AMPH: variants seen among roughly 807,000 people sequenced by gnomAD.
The protein encoded by AMPH is amphiphysin.
A neutral mutation model predicts 99.1 loss-of-function variants in AMPH; 49 were observed. The ratio of observed to expected loss-of-function variants is 0.49; its 90% CI spans 0.39 to 0.63. The LOEUF is 0.63. AMPH is among the 20% of genes least tolerant of loss of function. The pLI, the probability that AMPH is intolerant of heterozygous loss-of-function variation, is 0.00. For missense variants in AMPH, 759 were observed against 863.4 expected (o/e 0.88, Z 1.52); for synonymous variants, 314 against 317.3 (o/e 0.99, Z 0.11).
At chr7:38,497,052 G>C (rs1039350928) in intron 3 of AMPH, among the ~76,000 whole-genome samples, 1 of 152,178 alleles carries the variant, frequency 6.6e-6, no homozygotes, top group Non-Finnish European at 1.5e-5. Flanking sequence ...GGGTGGATAA[G>C]TGGTGATGGA....
intron 1 of AMPH, among the ~76,000 whole-genome samples, chr7:38,572,911 G>C (rs776461312): frequency 6.6e-6 from 1 of 152,140 alleles, no homozygotes; most frequent in Non-Finnish European, 1.5e-5. Context: ...GCCCAGGACC[G>C]TGGCCTCCAA....
At chr7:38,584,127 TTTCAA>T (rs2129056097) in intron 1 of AMPH, among the ~76,000 whole-genome samples, 1 of 152,352 alleles carries the variant, frequency 6.6e-6, no homozygotes, top group South Asian at 2.1e-4. Context: ...ATTTGACTTG[TTTCAA>T]TTCATTTTAG....
intron 14 of AMPH, chr7:38,427,845 T>C (rs1272828992): frequency 2.2e-6 from 1 of 456,016 alleles, no homozygotes; most frequent in South Asian, 1.6e-5. Flanking sequence ...TACCTCGTCT[T>C]TGTCAGCCTC....
chr7:38,610,272 G>A (rs889038506), intron 1 of AMPH, among the ~76,000 whole-genome samples: 193 of 7,766 alleles, frequency 0.025, no homozygotes, highest in Middle Eastern at 0.062. Context: ...AAGAAAGAAA[G>A]AAAGAAAGAA....
chr7:38,503,671 C>A lies in AMPH; in HGVS notation c.184G>T (p.Gly62Ter). Residue 62 changes from glycine to a stop codon, truncating the protein, a stop_gained, in exon 3 of 21, where the codon GGA (glycine) becomes TGA (stop). Transcript: ENST00000356264. LOFTEE classifies it high-confidence loss of function. ...EGTRLQRELR[G>*]YLAAIKGMQE... is the part of the protein sequence containing the mutation. ...TTACCTTTGATTGCTGCTAAATATC[C>A]TCGGAGTTCTCGCTGAAGTCTGGTA... 1 of 1,614,024 alleles carries A rather than the reference C, an allele frequency of 6.2e-7. No homozygotes were observed. The highest frequency in any genetic ancestry group is 8.5e-7 in the Non-Finnish European group (1 of 1,179,968).
At chr7:38,576,734 A>G (rs1230554198) in intron 1 of AMPH, among the ~76,000 whole-genome samples, 6 of 152,170 alleles carry the variant, frequency 3.9e-5, no homozygotes, top group Non-Finnish European at 2.9e-5. Flanking sequence ...CATGCCTGAG[A>G]GATCTCACTT....
Position 38,463,000 on chromosome 7 carries a change from G to C in AMPH, c.863C>G (p.Pro288Arg), listed in dbSNP as rs746190586. ...NHTLAPASPA[P>R]ARPRSPSQTR... ...CTGTGAAGGTGACCGAGGCCGTGCT[G>C]GTGCGGGAGACGCAGGTGCTAATGT... Residue 288 changes from proline to arginine, a missense_variant, in exon 10 of 21, where the codon CCA (proline) becomes CGA (arginine). Physicochemically the swap from Pro to Arg is moderately radical, Grantham distance 103 (BLOSUM62 -2). Transcript: ENST00000356264. 1.9e-6 allele frequency: 3 copies of C among 1,594,896 alleles called. No individual in the cohort carries two copies. The African/African-American group carries it at 4.0e-5, about 21-fold the overall frequency.
At chr7:38,621,998 G>T (rs1794086265) in intron 1 of AMPH, among the ~76,000 whole-genome samples, 1 of 152,130 alleles carries the variant, frequency 6.6e-6, no homozygotes, top group South Asian at 2.1e-4. Context: ...AGAAAATCGT[G>T]ATTATTATCA....
At chr7:38,625,741 A>G (rs1794218330) in intron 1 of AMPH, among the ~76,000 whole-genome samples, 1 of 152,248 alleles carries the variant, frequency 6.6e-6, no homozygotes, top group Admixed American at 6.5e-5. Context: ...GAGTAAAGTA[A>G]TTTAAAAGGT....
intron 5 of AMPH, among the ~76,000 whole-genome samples, chr7:38,478,722 C>G (rs978465882): frequency 1.3e-5 from 2 of 151,872 alleles, no homozygotes; most frequent in Non-Finnish European, 2.9e-5. Context: ...AAGTCAACAA[C>G]AAAGATAATC....
intron 1 of AMPH, among the ~76,000 whole-genome samples, chr7:38,560,328 C>G (rs905892764): frequency 3.9e-5 from 6 of 152,182 alleles, no homozygotes. Flanking sequence ...ACCGCCCCAG[C>G]CAATAGCGAA....
At chr7:38,455,241 T>C (rs1787186457) in intron 11 of AMPH, among the ~76,000 whole-genome samples, 1 of 152,108 alleles carries the variant, frequency 6.6e-6, no homozygotes, top group Non-Finnish European at 1.5e-5. Context: ...CGGCTAATTT[T>C]TGTATTTTTA....
chr7:38,584,342 G>A (rs1792570950), intron 1 of AMPH, among the ~76,000 whole-genome samples: 1 of 152,194 alleles, frequency 6.6e-6, no homozygotes, highest in Non-Finnish European at 1.5e-5. Context: ...AGCCCTGGTA[G>A]TAGGAAGTTT....
chr7:38,521,968 C>A (rs1789981338), intron 2 of AMPH, among the ~76,000 whole-genome samples: 1 of 152,194 alleles, frequency 6.6e-6, no homozygotes, highest in Admixed American at 6.5e-5. Flanking sequence ...AAGGCCAAAT[C>A]TACCACCCTG....
intron 2 of AMPH, among the ~76,000 whole-genome samples, chr7:38,520,539 T>C (rs184544678): frequency 2.6e-5 from 4 of 152,358 alleles, no homozygotes; most frequent in Admixed American, 2.0e-4. Context: ...TGACTAAACG[T>C]TGAGTCTTCC....
chr7:38,466,247 G>A lies in AMPH; in HGVS notation c.592C>T (p.Arg198Ter), dbSNP rs1174104021. ...QEELPSLWSR[R>*]VGFYVNTFKN... ...AAAGTATTAACATAAAATCCAACTC[G>A]TCTGCCATGTGGAAACACAAAGAGG... Residue 198 changes from arginine to a stop codon, truncating the protein, a stop_gained and splice_region_variant, in exon 8 of 21, where the codon CGA becomes TGA. Coordinates refer to ENST00000356264, the MANE Select transcript of AMPH (RefSeq NM_001635.4). LOFTEE classifies it high-confidence loss of function. 2 of 1,586,692 alleles carry A rather than the reference G, an allele frequency of 1.3e-6. No individual in the cohort carries two copies. Among genetic ancestry groups the A allele is most frequent in the African/African-American group, 1.4e-5 (1 of 72,430 alleles).
chr7:38,459,872 A>C (rs1787374792), intron 11 of AMPH, among the ~76,000 whole-genome samples: 1 of 151,698 alleles, frequency 6.6e-6, no homozygotes, highest in Admixed American at 6.6e-5. Context: ...TGGCATCTGC[A>C]CACAAAGGAA....
chr7:38,576,637 A>C (rs76776618), intron 1 of AMPH, among the ~76,000 whole-genome samples: 2 of 152,304 alleles, frequency 1.3e-5, no homozygotes, highest in East Asian at 3.9e-4. Context: ...AAGGCAAAAG[A>C]ATAGGGCATG....
intron 17 of AMPH, among the ~76,000 whole-genome samples, chr7:38,407,048 C>CTCTCTCTCTCTCTCTCTCTCTA (rs1241166935): frequency 3.2e-5 from 1 of 31,260 alleles, no homozygotes; most frequent in African/African-American, 1.1e-4. Context: ...CTCTCTCTCT[C>CTCTCTCTCTCTCTCTCTCTCTA]TATATATATA....
Sources: allele counts gnomAD v4.1 joint callset (sites outside exome capture counted in the v4.1 genomes callset), GRCh38; gene constraint gnomAD v4.1.1; transcripts MANE v1.5; gene names NCBI Gene and HGNC (gene_info 2026-07-23, HGNC 2026-07-21).